The following MDGA2 variants were observed in gnomAD, a reference collection of about 807,000 sequenced individuals.
MDGA2 encodes the protein MAM domain containing glycosylphosphatidylinositol anchor 2.
A neutral mutation model predicts 117.8 loss-of-function variants in MDGA2; 40 were observed. The observed-to-expected ratio is 0.34, with a 90% CI of 0.26 to 0.44. The LOEUF is 0.44. Among genes scored for constraint, MDGA2 ranks in the 20% least tolerant of loss-of-function variants. The pLI is 1.00. For synonymous variants in MDGA2, 452 were observed against 439.0 expected, an observed-to-expected ratio of 1.03 and a Z score of -0.37; for missense variants, 1,123 against 1,250.6, an observed-to-expected ratio of 0.90 and a Z score of 1.54.
chr14:47,313,413 C>G (rs575870334), intron 1 of MDGA2, among the ~76,000 whole-genome samples: 5 of 152,178 alleles, frequency 3.3e-5, no homozygotes, highest in African/African-American at 1.2e-4. Flanking sequence ...GCTGAGGACA[C>G]AGGCACAAGC....
chr14:46,918,760 C>CTTTTTTTTTTTTTTTTTTT lies in MDGA2; in HGVS notation c.2238+1251_2238+1252insAAAAAAAAAAAAAAAAAAA, dbSNP rs34958634. On this transcript the variant is annotated intron_variant, in intron 10 of 16. Coordinates refer to ENST00000399232, the MANE Select transcript of MDGA2 (RefSeq NM_001113498.3). ...TAAGAATATGCTACATACAGTGTAT[C>CTTTTTTTTTTTTTTTTTTT]TTTTTTTTTTTTTTTTTGGAATCGG... Among the ~76,000 whole-genome samples, 115 of 124,738 alleles carry CTTTTTTTTTTTTTTTTTTT rather than the reference C, an allele frequency of 9.2e-4. 3 individuals are homozygous for CTTTTTTTTTTTTTTTTTTT. The highest frequency in any genetic ancestry group is 2.7e-3 in the African/African-American group (80 of 29,826). 81.8% of individuals were successfully genotyped at this position (124,738 alleles called of 152,430 possible).
At chr14:47,250,430 G>A (rs1402691321) in intron 2 of MDGA2, among the ~76,000 whole-genome samples, 1 of 152,190 alleles carries the variant, frequency 6.6e-6, no homozygotes, top group Non-Finnish European at 1.5e-5. Flanking sequence ...GACTGAATGT[G>A]TATGTACCCA....
At chr14:47,306,112 G>A (rs1385458399) in intron 1 of MDGA2, 1 of 152,116 alleles carries the variant, frequency 6.6e-6, no homozygotes, top group African/African-American at 2.4e-5. Flanking sequence ...TTGCCACTAT[G>A]TCTCAGACAT....
chr14:46,995,233 C>A (rs1402934067), intron 8 of MDGA2, among the ~76,000 whole-genome samples: 1 of 152,088 alleles, frequency 6.6e-6, no homozygotes, highest in Non-Finnish European at 1.5e-5. Flanking sequence ...GCTATCACAT[C>A]AATGTCCATT....
chr14:47,368,637 G>A (rs1248461004), intron 1 of MDGA2, among the ~76,000 whole-genome samples: 2 of 152,214 alleles, frequency 1.3e-5, no homozygotes, highest in East Asian at 3.9e-4. Context: ...TCCATTTATT[G>A]TATCTAATTT....
At chr14:47,189,375 T>C (rs1460751203) in intron 3 of MDGA2, among the ~76,000 whole-genome samples, 1 of 152,114 alleles carries the variant, frequency 6.6e-6, no homozygotes, top group East Asian at 1.9e-4. Context: ...CAGAGTGACT[T>C]GACAAGAAAC....
chr14:47,065,237 G>T (rs2138807452), intron 6 of MDGA2, among the ~76,000 whole-genome samples: 1 of 152,170 alleles, frequency 6.6e-6, no homozygotes, highest in South Asian at 2.1e-4. Context: ...TACAGGCTTG[G>T]CCTATATTCA....
At chr14:47,447,519 C>T (rs1483066490) in intron 1 of MDGA2, among the ~76,000 whole-genome samples, 3 of 152,076 alleles carry the variant, frequency 2.0e-5, no homozygotes, top group African/African-American at 7.2e-5. Context: ...GTAAAATCTC[C>T]ACAGTGACAG....
intron 1 of MDGA2, among the ~76,000 whole-genome samples, chr14:47,669,331 C>A (rs563063147): frequency 3.3e-5 from 5 of 152,244 alleles, no homozygotes; most frequent in Admixed American, 2.0e-4. Flanking sequence ...GACATCTATT[C>A]ACCGGAATTA....
intron 3 of MDGA2, among the ~76,000 whole-genome samples, chr14:47,212,287 T>A (rs936656100): frequency 6.6e-6 from 1 of 152,126 alleles, no homozygotes; most frequent in Non-Finnish European, 1.5e-5. Context: ...ATAAATAAAG[T>A]GTGAGTATAA....
At chr14:47,244,410 C>T (rs1272635840) in intron 2 of MDGA2, among the ~76,000 whole-genome samples, 1 of 151,702 alleles carries the variant, frequency 6.6e-6, no homozygotes, top group African/African-American at 2.4e-5. Flanking sequence ...TCTGTCTTTT[C>T]TACTAGAACT....
intron 14 of MDGA2, among the ~76,000 whole-genome samples, chr14:46,863,942 C>T (rs1179692783): frequency 1.3e-5 from 2 of 152,200 alleles, no homozygotes; most frequent in Admixed American, 6.5e-5. Flanking sequence ...TCCACCTCCT[C>T]AATTTTAAAT....
chr14:47,218,504 G>C (rs1003660275), intron 2 of MDGA2, among the ~76,000 whole-genome samples: 1 of 152,032 alleles, frequency 6.6e-6, no homozygotes, highest in Non-Finnish European at 1.5e-5. Context: ...TGAAAATATA[G>C]ATTAACTTTT....
intron 1 of MDGA2, among the ~76,000 whole-genome samples, chr14:47,494,741 T>C (rs1894243257): frequency 6.6e-6 from 1 of 151,938 alleles, no homozygotes; most frequent in Non-Finnish European, 1.5e-5. Context: ...TTTCTGTATA[T>C]GGTTATCCAA....
At chr14:47,214,681 T>G (rs1886019515) in intron 3 of MDGA2, among the ~76,000 whole-genome samples, 1 of 152,132 alleles carries the variant, frequency 6.6e-6, no homozygotes, top group African/African-American at 2.4e-5. Flanking sequence ...TCTTACATTA[T>G]TCACCATTGT....
chr14:47,600,051 T>C (rs1896617428), intron 1 of MDGA2, among the ~76,000 whole-genome samples: 1 of 152,058 alleles, frequency 6.6e-6, no homozygotes, highest in African/African-American at 2.4e-5. Flanking sequence ...GTGACATACA[T>C]GACTTATAGC....
At chr14:47,657,832 T>C (rs1256696475) in intron 1 of MDGA2, among the ~76,000 whole-genome samples, 1 of 152,180 alleles carries the variant, frequency 6.6e-6, no homozygotes, top group Non-Finnish European at 1.5e-5. Context: ...AGCTTGGAGA[T>C]GATACTCTTA....
At chr14:46,885,704 A>G (rs1203501599) in intron 10 of MDGA2, among the ~76,000 whole-genome samples, 1 of 152,152 alleles carries the variant, frequency 6.6e-6, no homozygotes, top group East Asian at 1.9e-4. Flanking sequence ...ATATTAGCAG[A>G]AGACTGGAGA....
chr14:47,496,652 G>C (rs1482869366), intron 1 of MDGA2, among the ~76,000 whole-genome samples: 1 of 151,500 alleles, frequency 6.6e-6, no homozygotes, highest in Non-Finnish European at 1.5e-5. Context: ...GATTGGTGTT[G>C]GAATTAGAGA....
Sources: allele counts gnomAD v4.1 joint callset (sites outside exome capture counted in the v4.1 genomes callset), GRCh38; gene constraint gnomAD v4.1.1; transcripts MANE v1.5; gene names NCBI Gene and HGNC (gene_info 2026-07-23, HGNC 2026-07-21).